The following FNDC3B variants were observed in gnomAD, a reference collection of about 807,000 sequenced individuals.
FNDC3B encodes the protein fibronectin type III domain containing 3B, also known as fibronectin type III domain-containing protein 3B.
FNDC3B carries 12 observed loss-of-function variants against 151.5 expected under a neutral mutation model. The observed-to-expected ratio is 0.08, with a 90% CI of 0.05 to 0.13. The LOEUF (loss-of-function observed/expected upper bound fraction) is 0.13. Among genes scored for constraint, FNDC3B ranks in the 10% least tolerant of loss-of-function variants. The pLI is 1.00. For missense variants in FNDC3B, 1,214 were observed against 1,505.3 expected (o/e 0.81, Z 3.20); for synonymous variants, 528 against 549.0 (o/e 0.96, Z 0.54).
intron 11 of FNDC3B, among the ~76,000 whole-genome samples, chr3:172,325,195 C>T (rs1253473389): frequency 6.6e-6 from 1 of 152,214 alleles, no homozygotes; most frequent in African/African-American, 2.4e-5. Context: ...TAGTAGGGAA[C>T]TTTGAACAAG....
chr3:172,146,452 G>T (rs936025304), intron 3 of FNDC3B, among the ~76,000 whole-genome samples: 1 of 152,328 alleles, frequency 6.6e-6, no homozygotes, highest in African/African-American at 2.4e-5. Context: ...CACATTGTCT[G>T]AGCCCAGGGG....
intron 25 of FNDC3B, among the ~76,000 whole-genome samples, chr3:172,392,396 T>G (rs915432593): frequency 2.8e-4 from 43 of 152,174 alleles, no homozygotes; most frequent in African/African-American, 1.0e-3. Context: ...TGTCTGGAGT[T>G]TAGTCACTAA....
At chr3:172,237,619 C>T (rs1727234655) in intron 4 of FNDC3B, 1 of 152,108 alleles carries the variant, frequency 6.6e-6, no homozygotes, top group African/African-American at 2.4e-5. Context: ...AATAAAGCAC[C>T]AATGGGATGG....
Position 172,352,606 on chromosome 3 carries a change from G to T in FNDC3B, c.2515-197G>T, listed in dbSNP as rs1251546850. On this transcript the variant is annotated intron_variant, in intron 21 of 25. Transcript: ENST00000415807. The surrounding 1 kb of genome is among the most constrained non-coding windows in gnomAD (Gnocchi z 4.2). ...TAAGAAACGATGGTGGCCATATTTTGCTTTAATAATGGAAAAAATGTGGTT... is the reference window on the plus strand; with the variant it reads ...TAAGAAACGATGGTGGCCATATTTTTCTTTAATAATGGAAAAAATGTGGTT... 6.6e-6 allele frequency among the ~76,000 whole-genome samples: 1 copy of T among 152,112 alleles called. No individual in the cohort carries two copies. The highest frequency in any genetic ancestry group is 1.5e-5 in the Non-Finnish European group (1 of 68,012).
intron 6 of FNDC3B, among the ~76,000 whole-genome samples, chr3:172,268,940 G>A (rs974245734): frequency 1.3e-5 from 2 of 152,318 alleles, no homozygotes; most frequent in East Asian, 3.9e-4. Flanking sequence ...AACTATTTAA[G>A]TGTGTCTGTT....
At chr3:172,042,850 A>C (rs1442091349) in intron 1 of FNDC3B, among the ~76,000 whole-genome samples, 6 of 132,188 alleles carry the variant, frequency 4.5e-5, no homozygotes, top group Non-Finnish European at 6.5e-5. Context: ...TTTTTTTTTG[A>C]AATGGAGTCT....
At chr3:172,073,743 A>G (rs1339676652) in intron 1 of FNDC3B, among the ~76,000 whole-genome samples, 3 of 152,060 alleles carry the variant, frequency 2.0e-5, no homozygotes, top group African/African-American at 7.2e-5. Context: ...GCATGTCCCT[A>G]TATGGTATAT....
intron 3 of FNDC3B, among the ~76,000 whole-genome samples, chr3:172,197,503 G>A (rs1162091073): frequency 1.3e-5 from 2 of 152,160 alleles, no homozygotes. Context: ...TATTTCTACT[G>A]TTGAATCCTC....
intron 3 of FNDC3B, among the ~76,000 whole-genome samples, chr3:172,218,486 C>T (rs1560023620): frequency 6.6e-6 from 1 of 152,178 alleles, no homozygotes; most frequent in African/African-American, 2.4e-5. Flanking sequence ...ATCTAAGAAA[C>T]TGTGTAACTC....
At chr3:172,293,124 C>T (rs1730427604) in intron 7 of FNDC3B, among the ~76,000 whole-genome samples, 1 of 152,232 alleles carries the variant, frequency 6.6e-6, no homozygotes, top group Non-Finnish European at 1.5e-5. Context: ...ATACCTTAAT[C>T]ATCTTTGTAT....
At position 172,330,546 on chromosome 3, in the gene FNDC3B, A is replaced by G. The variant is rs1188018091; in HGVS notation, c.1385A>G (p.Tyr462Cys). 3 of 1,612,172 alleles carry G rather than the reference A, an allele frequency of 1.9e-6. No homozygotes were observed. The highest frequency in any genetic ancestry group is 2.5e-6 in the Non-Finnish European group (3 of 1,178,996). The change falls in exon 13 of 26, where the codon TAT becomes TGT. Residue 462 changes from tyrosine (Y) to cysteine (C), a missense_variant. Transcript: ENST00000415807. ...CTCACTTTCTTTCTCTACAGTGGTTATAGCCAAGAGGTGGTGTGCTACACA... is the reference window on the plus strand; with the variant it reads ...CTCACTTTCTTTCTCTACAGTGGTTGTAGCCAAGAGGTGGTGTGCTACACA... ...AARNDIGTSGYSQEVVCYTLG... is the reference protein window; with the variant it reads ...AARNDIGTSGCSQEVVCYTLG...
At chr3:172,164,389 T>C (rs1038367095) in intron 3 of FNDC3B, among the ~76,000 whole-genome samples, 3 of 152,188 alleles carry the variant, frequency 2.0e-5, no homozygotes, top group African/African-American at 7.2e-5. Flanking sequence ...ATTTACAACA[T>C]CTAGTTCAAA....
intron 3 of FNDC3B, among the ~76,000 whole-genome samples, chr3:172,169,590 A>G (rs769294236): frequency 5.3e-5 from 8 of 152,198 alleles, no homozygotes; most frequent in Non-Finnish European, 1.0e-4. Flanking sequence ...AAACCACTCC[A>G]TGGATGGGGC....
intron 1 of FNDC3B, among the ~76,000 whole-genome samples, chr3:172,081,142 T>C (rs1184354891): frequency 6.6e-6 from 1 of 152,232 alleles, no homozygotes; most frequent in African/African-American, 2.4e-5. Flanking sequence ...GGATTGATCA[T>C]AGGTATTGAT....
intron 3 of FNDC3B, among the ~76,000 whole-genome samples, chr3:172,207,047 A>G (rs955290551): frequency 1.3e-5 from 2 of 152,042 alleles, no homozygotes; most frequent in Non-Finnish European, 2.9e-5. Flanking sequence ...CAAACTGCCA[A>G]ACCAAAGAGC....
chr3:172,145,872 G>A (rs1721884879), intron 3 of FNDC3B, among the ~76,000 whole-genome samples: 1 of 148,734 alleles, frequency 6.7e-6, no homozygotes, highest in Non-Finnish European at 1.5e-5. Flanking sequence ...GGAGTGCAAT[G>A]GTGTGATCTC....
intron 2 of FNDC3B, among the ~76,000 whole-genome samples, chr3:172,128,724 A>T (rs1720924314): frequency 1.3e-5 from 2 of 152,146 alleles, no homozygotes; most frequent in Non-Finnish European, 2.9e-5. Flanking sequence ...CAGCTTTTAG[A>T]TTGTATCATT....
chr3:172,170,187 A>C (rs753984326), intron 3 of FNDC3B, among the ~76,000 whole-genome samples: 2 of 152,190 alleles, frequency 1.3e-5, no homozygotes, highest in Non-Finnish European at 2.9e-5. Context: ...TTATTTCCTA[A>C]TTCTGTAAAG....
chr3:172,128,897 A>T (rs971908972), intron 2 of FNDC3B, among the ~76,000 whole-genome samples: 3 of 151,352 alleles, frequency 2.0e-5, no homozygotes. Context: ...TGATTGTCTG[A>T]GGGTTGGATT....
Sources: allele counts gnomAD v4.1 joint callset (sites outside exome capture counted in the v4.1 genomes callset), GRCh38; gene constraint gnomAD v4.1.1; non-coding constraint Gnocchi (gnomAD v3.1); transcripts MANE v1.5; gene names NCBI Gene and HGNC (gene_info 2026-07-23, HGNC 2026-07-21).